The following SVOPL variants were observed in gnomAD, a reference collection of about 807,000 sequenced individuals.
SVOPL encodes putative transporter SVOPL.
SVOPL carries 60 observed loss-of-function variants against 61.0 expected under a neutral mutation model. The ratio of observed to expected loss-of-function variants is 0.98; its 90% CI spans 0.80 to 1.22. The LOEUF is 1.22. SVOPL is among the 50% of genes most tolerant of loss of function. The pLI, the probability that SVOPL is intolerant of heterozygous loss-of-function variation, is 0.00. For synonymous variants in SVOPL, 279 were observed against 250.0 expected, an observed-to-expected ratio of 1.12 and a Z score of -1.09; for missense variants, 662 against 643.9, an observed-to-expected ratio of 1.03 and a Z score of -0.30.
At chr7:138,683,412 G>A (rs1802740329) in intron 1 of SVOPL, among the ~76,000 whole-genome samples, 1 of 152,064 alleles carries the variant, frequency 6.6e-6, no homozygotes, top group Admixed American at 6.6e-5. Flanking sequence ...CTTTTGCCCA[G>A]GCTGGGGTGC....
At chr7:138,693,038 A>T (rs763004854) in intron 1 of SVOPL, among the ~76,000 whole-genome samples, 4 of 152,198 alleles carry the variant, frequency 2.6e-5, no homozygotes, top group Non-Finnish European at 5.9e-5. Flanking sequence ...CTAAGAGAAT[A>T]ACTAAAGATA....
intron 1 of SVOPL, chr7:138,689,394 T>A (rs1282652827): frequency 1.4e-6 from 2 of 1,453,842 alleles, no homozygotes; most frequent in Non-Finnish European, 1.9e-6. Flanking sequence ...GATTTACCCA[T>A]GCATGAGCTC....
At chr7:138,628,066 C>A in intron 11 of SVOPL, 92 bp downstream of exon 11, 1 of 1,397,214 alleles carries the variant, frequency 7.2e-7, no homozygotes, top group Non-Finnish European at 1.0e-6. Context: ...TAGGCAGGAG[C>A]GGTGTCACAG....
chr7:138,631,816 G>A (rs1446982297), intron 9 of SVOPL, among the ~76,000 whole-genome samples: 1 of 151,896 alleles, frequency 6.6e-6, no homozygotes, highest in East Asian at 1.9e-4. Flanking sequence ...TGATCCACCC[G>A]CCTTGGCCTC....
intron 14 of SVOPL, among the ~76,000 whole-genome samples, chr7:138,605,055 A>T (rs1211219884): frequency 6.6e-6 from 1 of 151,992 alleles, no homozygotes; most frequent in African/African-American, 2.4e-5. Flanking sequence ...AGCTCTAAAA[A>T]AGAGAAAAAA....
chr7:138,658,823 A>G (rs1252032937), intron 6 of SVOPL, among the ~76,000 whole-genome samples: 3 of 152,116 alleles, frequency 2.0e-5, no homozygotes, highest in African/African-American at 7.2e-5. Context: ...ACATCTATAA[A>G]TCTGTAACTT....
intron 13 of SVOPL, among the ~76,000 whole-genome samples, chr7:138,624,638 A>G (rs1799814084): frequency 6.6e-6 from 1 of 151,642 alleles, no homozygotes; most frequent in Admixed American, 6.6e-5. Flanking sequence ...GATAGCTGAG[A>G]TTTTCCTCAT....
chr7:138,681,719 A>T (rs1373005946), intron 1 of SVOPL, among the ~76,000 whole-genome samples: 1 of 152,180 alleles, frequency 6.6e-6, no homozygotes, highest in Admixed American at 6.6e-5. Context: ...GCTACTCAGG[A>T]GGCTGAGGCA....
intron 3 of SVOPL, among the ~76,000 whole-genome samples, chr7:138,676,420 C>G (rs1802561773): frequency 6.6e-6 from 1 of 152,178 alleles, no homozygotes. Flanking sequence ...AGAGGACCTA[C>G]TCCCTCGTGT....
At chr7:138,671,772 T>C (rs1289395772) in intron 4 of SVOPL, among the ~76,000 whole-genome samples, 1 of 152,258 alleles carries the variant, frequency 6.6e-6, no homozygotes, top group South Asian at 2.1e-4. Flanking sequence ...ATTTAACCTA[T>C]GACTAACCCA....
intron 9 of SVOPL, among the ~76,000 whole-genome samples, chr7:138,637,765 A>G (rs546608967): frequency 6.6e-6 from 1 of 152,172 alleles, no homozygotes; most frequent in Non-Finnish European, 1.5e-5. Flanking sequence ...CAACCTGGCC[A>G]ACATGGTGAA....
intron 9 of SVOPL, among the ~76,000 whole-genome samples, chr7:138,632,607 T>G (rs1241063483): frequency 1.4e-5 from 2 of 144,496 alleles, no homozygotes; most frequent in East Asian, 2.1e-4. Context: ...AGAGGTGAGG[T>G]AGGAGAGGAA....
At chr7:138,626,685 A>AT (rs1563100008) in intron 12 of SVOPL, among the ~76,000 whole-genome samples, 1 of 151,526 alleles carries the variant, frequency 6.6e-6, no homozygotes, top group African/African-American at 2.4e-5. Flanking sequence ...GAGTCACCAA[A>AT]TTTTTTTTCA....
In SVOPL at chr7:138,630,505, TAA is replaced by T. The variant is rs753779854; in HGVS notation, c.790-385_790-384del. On this transcript the variant is annotated intron_variant, in intron 9 of 15. Coordinates refer to ENST00000674285, the MANE Select transcript of SVOPL (RefSeq NM_001139456.2). ...AACATTAAAACAAAAACTCTTATAT[TAA>T]AAAAGAGTATGAGACTTGTTAAGAA... 2.2e-4 allele frequency among the ~76,000 whole-genome samples: 33 copies of T among 152,218 alleles called. 1 individual carries two copies. Among genetic ancestry groups the T allele is most frequent in the Middle Eastern group, 3.4e-3 (1 of 294 alleles).
intron 14 of SVOPL, among the ~76,000 whole-genome samples, chr7:138,602,510 CATAT>C (rs1246577334): frequency 1.4e-5 from 2 of 146,804 alleles, no homozygotes; most frequent in South Asian, 2.2e-4. Flanking sequence ...GACATGTCTA[CATAT>C]ATATTCACAC....
intron 4 of SVOPL, among the ~76,000 whole-genome samples, chr7:138,671,358 CTTTTT>C (rs1403054160): frequency 8.5e-5 from 13 of 152,100 alleles, no homozygotes; most frequent in African/African-American, 3.1e-4. Context: ...GCTATTTTTT[CTTTTT>C]TGAGATGGAG....
At position 138,659,991 on chromosome 7, in the gene SVOPL, G is replaced by A. The variant is rs1164604022; in HGVS notation, c.346-3C>T. On this transcript the variant is annotated splice_polypyrimidine_tract_variant and splice_region_variant and intron_variant, in intron 5 of 15. Coordinates refer to ENST00000674285, the MANE Select transcript of SVOPL (RefSeq NM_001139456.2). ...CACAGGAACGAGATGAGCAGAATCT[G>A]AAGCAACAGCAGAACACATGAATGG... is the stretch of plus-strand genomic sequence containing the variant. 2 of 1,551,484 alleles carry A rather than the reference G, an allele frequency of 1.3e-6. No homozygotes were observed. The highest frequency in any genetic ancestry group is 2.0e-5 in the Admixed American group (1 of 50,974).
chr7:138,674,164 A>G (rs12707392), intron 3 of SVOPL, among the ~76,000 whole-genome samples: 71,585 of 151,490 alleles, frequency 0.47, 18,413 homozygotes, highest in African/African-American at 0.66. Context: ...CTCCAGCCTG[A>G]GCAACAGAAC....
rs1439525101 is a variant in SVOPL, at chr7:138,621,075, C to G, written c.1324G>C (p.Gly442Arg). The G allele has an allele frequency of 6.2e-7, 1 of 1,613,636 alleles. No homozygotes were observed. The highest frequency in any genetic ancestry group is 1.7e-4 in the Middle Eastern group (1 of 6,058). The change falls in exon 14 of 16, where the codon GGT (glycine) becomes CGT (arginine). Residue 442 changes from glycine to arginine, a missense_variant. By Grantham distance (125) the Gly-to-Arg change is moderately radical. Transcript: ENST00000674285. ...MGTSGSLCRIGAMVAPFISQV... is the reference protein window; with the variant it reads ...MGTSGSLCRIRAMVAPFISQV... Reference sequence around the variant, plus strand: ...GATATAAATGGTGCCACCATTGCACCAATGCGACACAGGGAGCCGCTGGTT... The same window carrying G: ...GATATAAATGGTGCCACCATTGCACGAATGCGACACAGGGAGCCGCTGGTT...
Sources: allele counts gnomAD v4.1 joint callset (sites outside exome capture counted in the v4.1 genomes callset), GRCh38; gene constraint gnomAD v4.1.1; transcripts MANE v1.5; gene names NCBI Gene and HGNC (gene_info 2026-07-23, HGNC 2026-07-21).